ENOX1: variants seen among roughly 807,000 people sequenced by gnomAD.
ENOX1 encodes the protein ecto-NOX disulfide-thiol exchanger 1.
In ENOX1, 42 loss-of-function variants were observed where a neutral mutation model predicts 82.5. The observed-to-expected ratio is 0.51, with a 90% CI of 0.40 to 0.66. The LOEUF (loss-of-function observed/expected upper bound fraction) is 0.66. Ranked by LOEUF, ENOX1 falls within the 30% of genes least tolerant of loss-of-function variation. The probability of loss-of-function intolerance (pLI) is 0.00; values close to 1 mark genes in which losing one functional copy is unlikely to be tolerated. For missense variants in ENOX1, 608 were observed against 811.6 expected, an observed-to-expected ratio of 0.75 and a Z score of 3.05; for synonymous variants, 271 against 282.2, an observed-to-expected ratio of 0.96 and a Z score of 0.40.
At chr13:43,224,256 C>A (rs748927623) in intron 15 of ENOX1, 118 bp from the exon 16 acceptor site, 3 of 754,552 alleles carry the variant, frequency 4.0e-6, no homozygotes, top group Non-Finnish European at 6.7e-6. Context: ...CTTGCCATTT[C>A]TAGCAGCACT....
In ENOX1 at chr13:43,675,837, T is replaced by C. The variant is rs1293009549; in HGVS notation, c.-284-8293A>G. Among the ~76,000 whole-genome samples, 5 of 152,280 alleles carry C rather than the reference T, an allele frequency of 3.3e-5. No homozygotes were observed. In the East Asian group the frequency reaches 7.7e-4, roughly 23 times the overall value. On this transcript the variant is annotated intron_variant, in intron 1 of 16. Coordinates refer to ENST00000690772, the MANE Select transcript of ENOX1 (RefSeq NM_001347969.2). ...TGCGAGAGAACATTCTCGGATGAGGTAAGGGTGGAGGTGCTGCTCCCTCAC... is the reference window on the plus strand; with the variant it reads ...TGCGAGAGAACATTCTCGGATGAGGCAAGGGTGGAGGTGCTGCTCCCTCAC...
chr13:43,320,970 C>A, intron 11 of ENOX1: 1 of 440,050 alleles, frequency 2.3e-6, no homozygotes, highest in Non-Finnish European at 4.6e-6. Context: ...GTAAAGCAGT[C>A]CTGAGGAATC....
chr13:43,754,311 G>A (rs1387261587), intron 1 of ENOX1, among the ~76,000 whole-genome samples: 1 of 59,814 alleles, frequency 1.7e-5, no homozygotes, highest in Non-Finnish European at 6.7e-5. Flanking sequence ...GTGTATGTAT[G>A]TGTGTGTGTG....
intron 11 of ENOX1, among the ~76,000 whole-genome samples, chr13:43,313,519 A>G (rs1306690150): frequency 2.0e-5 from 3 of 152,194 alleles, no homozygotes; most frequent in African/African-American, 7.2e-5. Flanking sequence ...TAGGTAATTT[A>G]TAAATTAATA....
intron 3 of ENOX1, among the ~76,000 whole-genome samples, chr13:43,468,030 T>C (rs2057813131): frequency 6.6e-6 from 1 of 152,176 alleles, no homozygotes; most frequent in Non-Finnish European, 1.5e-5. Flanking sequence ...TATCTGTCTA[T>C]CCTTCTGCCA....
chr13:43,646,798 C>T (rs747578564), intron 2 of ENOX1, among the ~76,000 whole-genome samples: 28 of 152,180 alleles, frequency 1.8e-4, no homozygotes, highest in Non-Finnish European at 3.7e-4. Flanking sequence ...CTTCTCGCCT[C>T]ATCATTTAGA....
intron 5 of ENOX1, among the ~76,000 whole-genome samples, chr13:43,397,999 G>A (rs2053256956): frequency 6.6e-6 from 1 of 152,166 alleles, no homozygotes; most frequent in Admixed American, 6.5e-5. Flanking sequence ...TTACATGGTG[G>A]AAGCAGTGAG....
In ENOX1 at chr13:43,433,687, T is replaced by C. The variant is rs559115314; in HGVS notation, c.-74-20699A>G. Among the ~76,000 whole-genome samples, 7 of 152,254 alleles carry C rather than the reference T, an allele frequency of 4.6e-5. 1 individual carries two copies. The highest frequency in any genetic ancestry group is 8.8e-5 in the Non-Finnish European group (6 of 68,040). On this transcript the variant is annotated intron_variant, in intron 3 of 16. Coordinates refer to ENST00000690772, the MANE Select transcript of ENOX1 (RefSeq NM_001347969.2). ...ATGACGTGATGCACTCTGAGTTTTT[T>C]CAACACATTTGTTCCTTTTTTATTC...
At chr13:43,337,610 G>T (rs1235661294) in intron 9 of ENOX1, among the ~76,000 whole-genome samples, 1 of 152,186 alleles carries the variant, frequency 6.6e-6, no homozygotes, top group Non-Finnish European at 1.5e-5. Flanking sequence ...AAAGAGGGTA[G>T]TGCCAGAAGC....
In ENOX1 at chr13:43,576,178, G is replaced by A. The variant is rs79231722; in HGVS notation, c.-219+91301C>T. Among the ~76,000 whole-genome samples the A allele has an allele frequency of 2.4e-3, 358 of 152,226 alleles. 10 individuals are homozygous for A. In the East Asian group the frequency reaches 0.065, roughly 28 times the overall value. On this transcript the variant is annotated intron_variant, in intron 2 of 16. Transcript: ENST00000690772. ...CCCCATCACTTGCCTACTTAGATTG[G>A]CACCAAATCCTTAACACAGACTGTT...
chr13:43,698,869 T>C (rs1423845567), intron 1 of ENOX1, among the ~76,000 whole-genome samples: 2 of 152,176 alleles, frequency 1.3e-5, no homozygotes, highest in Non-Finnish European at 2.9e-5. Flanking sequence ...TTTTAACCTT[T>C]TGCGGAAAAA....
chr13:43,531,349 A>G (rs548774067), intron 2 of ENOX1, among the ~76,000 whole-genome samples: 3 of 152,140 alleles, frequency 2.0e-5, no homozygotes, highest in African/African-American at 4.8e-5. Context: ...GCCATCAGAG[A>G]AATGCAAATC....
chr13:43,770,712 C>T (rs1211168639), intron 1 of ENOX1, among the ~76,000 whole-genome samples: 2 of 151,818 alleles, frequency 1.3e-5, no homozygotes, highest in Admixed American at 6.6e-5. Context: ...CACACACACA[C>T]ACACACACAC....
intron 2 of ENOX1, among the ~76,000 whole-genome samples, chr13:43,611,524 C>T (rs1261443579): frequency 6.6e-6 from 1 of 152,122 alleles, no homozygotes; most frequent in Admixed American, 6.5e-5. Context: ...CACAATACTC[C>T]CTGAAGTACT....
intron 5 of ENOX1, among the ~76,000 whole-genome samples, chr13:43,379,840 A>G (rs983500226): frequency 1.3e-5 from 2 of 151,998 alleles, no homozygotes; most frequent in African/African-American, 4.8e-5. Context: ...AAACATGATA[A>G]AAGTATATGA....
intron 1 of ENOX1, among the ~76,000 whole-genome samples, chr13:43,683,276 C>T (rs1300302409): frequency 2.6e-5 from 4 of 152,066 alleles, no homozygotes; most frequent in East Asian, 1.9e-4. Flanking sequence ...AATTGCCTTT[C>T]GATATCCCAT....
At chr13:43,290,168 A>G (rs1566432615) in intron 12 of ENOX1, among the ~76,000 whole-genome samples, 1 of 152,208 alleles carries the variant, frequency 6.6e-6, no homozygotes. Context: ...CAGTCTGGAG[A>G]TTTCTCAAAG....
At chr13:43,554,274 G>A (rs1054891735) in intron 2 of ENOX1, among the ~76,000 whole-genome samples, 1 of 152,160 alleles carries the variant, frequency 6.6e-6, no homozygotes, top group African/African-American at 2.4e-5. Context: ...GAAAGACTAT[G>A]GCAAAAATAG....
In ENOX1 at chr13:43,492,458, C is replaced by T. The variant is rs9567200; in HGVS notation, c.-218-8306G>A. ...TACAACCAGAGGTCTTAAAAATAGC[C>T]TTAATCTTGCTTAAATTGCCAACAT... is the stretch of plus-strand genomic sequence containing the variant. On this transcript the variant is annotated intron_variant, in intron 2 of 16. Transcript: ENST00000690772. 3.7e-4 allele frequency among the ~76,000 whole-genome samples: 57 copies of T among 152,268 alleles called. 1 individual carries two copies. In the East Asian group the frequency reaches 0.011, roughly 28 times the overall value.
Sources: allele counts gnomAD v4.1 joint callset (sites outside exome capture counted in the v4.1 genomes callset), GRCh38; gene constraint gnomAD v4.1.1; transcripts MANE v1.5; gene names NCBI Gene and HGNC (gene_info 2026-07-23, HGNC 2026-07-21).